CLSTN2: variants seen among roughly 807,000 people sequenced by gnomAD.
The protein encoded by CLSTN2 is calsyntenin-2.
In CLSTN2, 48 loss-of-function variants were observed where a neutral mutation model predicts 101.2. That is an observed-to-expected ratio of 0.47 (90% CI 0.38 to 0.60). The LOEUF is 0.60. Among genes scored for constraint, CLSTN2 ranks in the 20% least tolerant of loss-of-function variants. The pLI is 0.00. For missense variants in CLSTN2, 1,160 were observed against 1,238.2 expected, an observed-to-expected ratio of 0.94 and a Z score of 0.95; for synonymous variants, 481 against 463.6, an observed-to-expected ratio of 1.04 and a Z score of -0.48.
At chr3:140,553,098 G>A (rs1010730144) in intron 10 of CLSTN2, among the ~76,000 whole-genome samples, 1 of 152,218 alleles carries the variant, frequency 6.6e-6, no homozygotes, top group African/African-American at 2.4e-5. Context: ...CCATGCATAT[G>A]CCTGGGGGCT....
At chr3:139,961,806 G>A (rs1935515812) in intron 1 of CLSTN2, among the ~76,000 whole-genome samples, 1 of 152,168 alleles carries the variant, frequency 6.6e-6, no homozygotes, top group South Asian at 2.1e-4. Context: ...GATTAAAAAT[G>A]AATGATAACC....
rs1460052985 is a variant in CLSTN2, at chr3:140,337,680, T to A, written c.233-65949T>A. Among the ~76,000 whole-genome samples, 8 of 152,280 alleles carry A rather than the reference T, an allele frequency of 5.3e-5. No individual in the cohort carries two copies. In the South Asian group the frequency reaches 8.3e-4, roughly 16 times the overall value. On this transcript the variant is annotated intron_variant, in intron 2 of 16. Transcript: ENST00000458420. The stretch of plus-strand genomic sequence containing the variant: ...AGCTAATGGAGATACCACCAGGTCA[T>A]GGGGCTGGCCTTGCCTTCAGTAGGA...
intron 4 of CLSTN2, among the ~76,000 whole-genome samples, chr3:140,405,965 T>C (rs548721643): frequency 1.7e-4 from 26 of 152,154 alleles, no homozygotes; most frequent in African/African-American, 5.5e-4. Context: ...TGCTGAACAC[T>C]GGAAAGGAGA....
At chr3:140,556,770 G>T (rs1576625804) in intron 11 of CLSTN2, 109 bp downstream of exon 11, 4 of 1,073,844 alleles carry the variant, frequency 3.7e-6, no homozygotes, top group South Asian at 3.1e-5. Flanking sequence ...CCTTTCGTCA[G>T]CTGTCCTCAA....
At chr3:140,217,023 T>G (rs1295196258) in intron 2 of CLSTN2, among the ~76,000 whole-genome samples, 1 of 152,162 alleles carries the variant, frequency 6.6e-6, no homozygotes, top group Non-Finnish European at 1.5e-5. Context: ...GTGAAGTAAC[T>G]TAACCAAGAT....
At chr3:140,082,610 G>T (rs2008617110) in intron 1 of CLSTN2, among the ~76,000 whole-genome samples, 1 of 152,108 alleles carries the variant, frequency 6.6e-6, no homozygotes, top group Admixed American at 6.6e-5. Flanking sequence ...CCAAACAGAG[G>T]AGTTGCTTCC....
intron 2 of CLSTN2, among the ~76,000 whole-genome samples, chr3:140,270,561 C>T (rs900145945): frequency 6.6e-6 from 1 of 152,162 alleles, no homozygotes; most frequent in Non-Finnish European, 1.5e-5. Flanking sequence ...AGATGACTCA[C>T]ACATTGGACC....
At chr3:140,385,983 G>A (rs1216596726) in intron 2 of CLSTN2, among the ~76,000 whole-genome samples, 1 of 152,136 alleles carries the variant, frequency 6.6e-6, no homozygotes, top group Non-Finnish European at 1.5e-5. Flanking sequence ...GATCTGCTCT[G>A]AGGGTCATTC....
chr3:140,019,643 C>T (rs1219566827), intron 1 of CLSTN2, among the ~76,000 whole-genome samples: 1 of 151,888 alleles, frequency 6.6e-6, no homozygotes, highest in Non-Finnish European at 1.5e-5. Flanking sequence ...GAGTTTAAAG[C>T]AGAGGAAGGA....
chr3:140,396,101 T>C (rs2088179510), intron 2 of CLSTN2, among the ~76,000 whole-genome samples: 1 of 152,168 alleles, frequency 6.6e-6, no homozygotes, highest in Admixed American at 6.5e-5. Context: ...CTGATCTGCT[T>C]AGGGCAAGAT....
intron 9 of CLSTN2, among the ~76,000 whole-genome samples, chr3:140,543,565 G>A (rs373936243): frequency 1.6e-3 from 245 of 152,314 alleles, no homozygotes; most frequent in African/African-American, 4.3e-3. Flanking sequence ...GGCTGAGAAC[G>A]TCCCAAGGCA....
At position 139,935,346 on chromosome 3, in the gene CLSTN2, G is replaced by C. The variant is rs1016589032; in HGVS notation, c.-29G>C. On this transcript the variant is annotated 5_prime_UTR_variant, in exon 1 of 17. Coordinates refer to ENST00000458420, the MANE Select transcript of CLSTN2 (RefSeq NM_022131.3). The surrounding 1 kb of genome is among the most constrained non-coding windows in gnomAD (Gnocchi z 5.5). ...GAGCCGGCGCGGACAGTAGGCGGCG[G>C]CTGCAGCTCGTTGGCGGCTGCTGCG... 2.0e-5 allele frequency: 24 copies of C among 1,179,500 alleles called. No individual in the cohort carries two copies. The highest frequency in any genetic ancestry group is 2.3e-5 in the Non-Finnish European group (22 of 941,934). 73.1% of individuals were successfully genotyped at this position (1,179,500 alleles called of 1,614,324 possible).
intron 8 of CLSTN2, chr3:140,507,136 G>C (rs894434439): frequency 6.6e-6 from 1 of 152,300 alleles, no homozygotes; most frequent in Admixed American, 6.5e-5. Flanking sequence ...AACCATGTAA[G>C]TATTATAACT....
chr3:140,341,555 TGAA>T (rs1358435019), intron 2 of CLSTN2, among the ~76,000 whole-genome samples: 2 of 152,226 alleles, frequency 1.3e-5, no homozygotes, highest in African/African-American at 2.4e-5. Flanking sequence ...TAAATCTTGC[TGAA>T]GAAGAAGGTT....
chr3:140,574,958 T>C lies in CLSTN2; in HGVS notation c.*8705T>C. The C allele has an allele frequency of 6.6e-6, 1 of 152,092 alleles. No individual in the cohort carries two copies. Among genetic ancestry groups the C allele is most frequent in the East Asian group, 1.9e-4 (1 of 5,186 alleles). 9.4% of individuals were successfully genotyped at this position (152,092 alleles called of 1,614,324 possible). On this transcript the variant is annotated 3_prime_UTR_variant, in exon 17 of 17. Coordinates refer to ENST00000458420, the MANE Select transcript of CLSTN2 (RefSeq NM_022131.3). ...TGTGCCTGTGGGTCATGGATGTTAA[T>C]ATAAAGGCTCATCCACCCTTGGTGG...
chr3:140,019,398 T>G (rs1253133997), intron 1 of CLSTN2, among the ~76,000 whole-genome samples: 1 of 152,176 alleles, frequency 6.6e-6, no homozygotes, highest in East Asian at 1.9e-4. Flanking sequence ...TGCCAGCCAG[T>G]GGCCTGTGAA....
rs769961370 is a variant in CLSTN2, at chr3:140,421,252, A to G, written c.765A>G (p.Pro255=). 1.9e-6 allele frequency: 3 copies of G among 1,614,178 alleles called. No individual in the cohort carries two copies. Among genetic ancestry groups the G allele is most frequent in the Non-Finnish European group, 2.5e-6 (3 of 1,180,002 alleles). ...CCCTGGTGCAGGTGGATGTGAAGCC[A>G]GTTTGCAAGCCTGGCTGGCAAGGTG... ...QDTLVQVDVK[P]VCKPGWQDWT... is the part of the protein sequence containing the mutation. The change falls in exon 5 of 17, where the codon CCA becomes CCG. Residue 255 remains proline, a synonymous_variant. Coordinates refer to ENST00000458420, the MANE Select transcript of CLSTN2 (RefSeq NM_022131.3).
chr3:140,504,068 A>T (rs1009323317), intron 8 of CLSTN2, among the ~76,000 whole-genome samples: 5 of 152,184 alleles, frequency 3.3e-5, no homozygotes, highest in African/African-American at 1.2e-4. Context: ...CTTCAGTCTG[A>T]GCACCTCATC....
intron 11 of CLSTN2, chr3:140,557,124 G>A (rs1175729783): frequency 6.5e-6 from 1 of 154,274 alleles, no homozygotes; most frequent in Non-Finnish European, 1.4e-5. Flanking sequence ...TGTTTCCAAG[G>A]ATCAGAATTA....
Sources: gnomAD v4.1 joint callset for allele counts (sites outside exome capture counted in the v4.1 genomes callset) on GRCh38, gnomAD v4.1.1 for gene constraint, Gnocchi (gnomAD v3.1) non-coding constraint, MANE v1.5 for transcripts, NCBI Gene and HGNC (gene_info 2026-07-23, HGNC 2026-07-21) for gene names.